The following KCTD3 variants were observed in gnomAD, a reference collection of about 807,000 sequenced individuals.
KCTD3 encodes potassium channel tetramerization domain containing 3, also known as BTB/POZ domain-containing protein KCTD3.
A neutral mutation model predicts 85.8 loss-of-function variants in KCTD3; 41 were observed. The observed-to-expected ratio is 0.48, with a 90% CI of 0.37 to 0.62. KCTD3 has a LOEUF of 0.62. Ranked by LOEUF, KCTD3 falls within the 20% of genes least tolerant of loss-of-function variation. KCTD3 has a pLI of 0.00. For synonymous variants in KCTD3, 338 were observed against 345.4 expected, an observed-to-expected ratio of 0.98 and a Z score of 0.24; for missense variants, 724 against 989.9, an observed-to-expected ratio of 0.73 and a Z score of 3.60.
chr1:215,596,371 G>T (rs1660417189), intron 10 of KCTD3, among the ~76,000 whole-genome samples: 1 of 152,068 alleles, frequency 6.6e-6, no homozygotes, highest in Non-Finnish European at 1.5e-5. Context: ...TGGAATTTGG[G>T]AAAGAAGAAA....
chr1:215,608,642 T>C (rs1396346760), intron 14 of KCTD3, among the ~76,000 whole-genome samples: 1 of 151,812 alleles, frequency 6.6e-6, no homozygotes, highest in Non-Finnish European at 1.5e-5. Flanking sequence ...CAGCAAAAGG[T>C]GTATAAGTTT....
chr1:215,574,913 T>C (rs1319531602), intron 3 of KCTD3, among the ~76,000 whole-genome samples: 1 of 152,234 alleles, frequency 6.6e-6, no homozygotes, highest in Non-Finnish European at 1.5e-5. Flanking sequence ...CCAGATCTTT[T>C]GTAAATGATT....
chr1:215,602,956 A>C (rs1654890748), intron 12 of KCTD3, among the ~76,000 whole-genome samples: 1 of 152,196 alleles, frequency 6.6e-6, no homozygotes, highest in South Asian at 2.1e-4. Context: ...TTGCTCTAGA[A>C]ATAGGGTTTA....
chr1:215,578,160 C>G, intron 6 of KCTD3, 79 bp downstream of exon 6: 1 of 1,128,078 alleles, frequency 8.9e-7, no homozygotes, highest in South Asian at 1.6e-5. Context: ...GGAAAAACTG[C>G]TCCTTGATTA....
intron 6 of KCTD3, 91 bp from the exon 7 acceptor site, chr1:215,578,909 T>A: frequency 1.3e-6 from 1 of 798,070 alleles, no homozygotes. Context: ...TTTAATGAAA[T>A]TCACATTTTT....
chr1:215,598,310 G>C (rs533384198), intron 10 of KCTD3, among the ~76,000 whole-genome samples: 7 of 152,242 alleles, frequency 4.6e-5, no homozygotes, highest in Non-Finnish European at 7.4e-5. Flanking sequence ...AAAAGGAGAT[G>C]CAAGAGGAAA....
intron 17 of KCTD3, 32 bp downstream of exon 17, chr1:215,619,323 A>AT: frequency 6.4e-7 from 1 of 1,567,266 alleles, no homozygotes; most frequent in South Asian, 1.1e-5. Context: ...TATAAACAAA[A>AT]TTTATTTCTT....
At position 215,611,882 on chromosome 1, in the gene KCTD3, C is replaced by A; in HGVS notation, c.1523C>A (p.Thr508Asn). The A allele has an allele frequency of 6.2e-7, 1 of 1,609,008 alleles. No homozygotes were observed. The highest frequency in any genetic ancestry group is 8.5e-7 in the Non-Finnish European group (1 of 1,176,384). ...QVFIQKVVPITNKLFVRLSST... is the reference protein window; with the variant it reads ...QVFIQKVVPINNKLFVRLSST... Reference sequence around the variant, plus strand: ...TTTATCCAGAAAGTTGTTCCCATCACCAACAAACTATTTGTAAGACTCTCA... The same window carrying A: ...TTTATCCAGAAAGTTGTTCCCATCAACAACAAACTATTTGTAAGACTCTCA... Residue 508 changes from threonine to asparagine, a missense_variant, in exon 15 of 18, where the codon ACC becomes AAC. Physicochemically the swap from Thr to Asn is moderately conservative, Grantham distance 65. This residue lies in a region of KCTD3 where 136 missense variants were observed against 197.6 expected (regional missense o/e 0.69). Coordinates refer to ENST00000259154, the MANE Select transcript of KCTD3 (RefSeq NM_016121.5).
In KCTD3 at chr1:215,620,467, G is replaced by A. The variant is rs1424009131; in HGVS notation, c.2297G>A (p.Gly766Glu). The change falls in exon 18 of 18, where the codon GGA becomes GAA. Residue 766 changes from glycine (G) to glutamate (E), a missense_variant. Around this residue, in one of 6 missense-constraint regions of KCTD3, gnomAD observed 222 missense variants for 217.7 expected, o/e 1.02. Coordinates refer to ENST00000259154, the MANE Select transcript of KCTD3 (RefSeq NM_016121.5). ...KGGFEGGGFL[G>E]RKKVPYLASS... is the part of the protein sequence containing the mutation. ...GGATTTGAAGGGGGAGGATTCCTTG[G>A]AAGAAAGAAAGTTCCCTATCTGGCG... The A allele has an allele frequency of 5.0e-6, 8 of 1,613,780 alleles. No individual in the cohort carries two copies. The highest frequency in any genetic ancestry group is 6.8e-6 in the Non-Finnish European group (8 of 1,179,758).
In KCTD3 at chr1:215,568,075, G is replaced by A. The variant is rs147122424; in HGVS notation, c.83+307G>A. Reference sequence around the variant, plus strand: ...AACAGGCAAGGAGAACCATTACACAGCCTTCCTTACCTCATCTCAGATTAG... The same window carrying A: ...AACAGGCAAGGAGAACCATTACACAACCTTCCTTACCTCATCTCAGATTAG... On this transcript the variant is annotated intron_variant, in intron 1 of 17. Coordinates refer to ENST00000259154, the MANE Select transcript of KCTD3 (RefSeq NM_016121.5). Among the ~76,000 whole-genome samples the A allele has an allele frequency of 2.8e-4, 42 of 152,280 alleles. No individual in the cohort carries two copies. The East Asian group carries it at 7.4e-3, about 27-fold the overall frequency.
chr1:215,586,545 A>G lies in KCTD3; in HGVS notation c.677A>G (p.Asp226Gly). ...WQQVFTSPYL[D>G]WTIERVALNA... ...CAAGTGTTTACGAGCCCATATTTGGATTGGACTATCGAACGAGTAGCTTTA... is the reference window on the plus strand; with the variant it reads ...CAAGTGTTTACGAGCCCATATTTGGGTTGGACTATCGAACGAGTAGCTTTA... The change falls in exon 9 of 18, where the codon GAT becomes GGT. Residue 226 changes from aspartate (D) to glycine (G), a missense_variant. Around this residue, in one of 6 missense-constraint regions of KCTD3, gnomAD observed 146 missense variants for 320.3 expected, o/e 0.46. Coordinates refer to ENST00000259154, the MANE Select transcript of KCTD3 (RefSeq NM_016121.5). The G allele has an allele frequency of 2.5e-6, 4 of 1,614,102 alleles. No homozygotes were observed. Among genetic ancestry groups the G allele is most frequent in the Non-Finnish European group, 3.4e-6 (4 of 1,180,012 alleles).
At chr1:215,574,179 CAT>C (rs1659482689) in intron 3 of KCTD3, 61 bp downstream of exon 3, 1 of 938,516 alleles carries the variant, frequency 1.1e-6, no homozygotes, top group African/African-American at 1.6e-5. Flanking sequence ...TTGGTCCTAA[CAT>C]ATAGTTACTC....
intron 6 of KCTD3, 90 bp from the exon 7 acceptor site, chr1:215,578,910 T>A: frequency 1.2e-6 from 1 of 810,280 alleles, no homozygotes; most frequent in East Asian, 3.1e-5. Flanking sequence ...TTAATGAAAT[T>A]CACATTTTTG....
chr1:215,576,729 G>A (rs1010102164), intron 4 of KCTD3, among the ~76,000 whole-genome samples: 25 of 151,638 alleles, frequency 1.6e-4, no homozygotes, highest in Admixed American at 5.3e-4. Context: ...CACCACACCC[G>A]GCTAATTTTT....
At chr1:215,577,134 CT>C (rs958720705) in intron 4 of KCTD3, among the ~76,000 whole-genome samples, 101 of 142,698 alleles carry the variant, frequency 7.1e-4, no homozygotes, top group African/African-American at 1.3e-3. Context: ...CAAGGCTAGT[CT>C]TTTTTTTTTT....
chr1:215,619,939 AT>A (rs1655599791), intron 17 of KCTD3, 117 bp from the exon 18 acceptor site: 1 of 627,164 alleles, frequency 1.6e-6, no homozygotes, highest in Non-Finnish European at 2.5e-6. Flanking sequence ...AAAGAGAAAT[AT>A]GGATATAATA....
intron 9 of KCTD3, among the ~76,000 whole-genome samples, chr1:215,592,496 T>A (rs563172151): frequency 6.6e-6 from 1 of 152,290 alleles, no homozygotes; most frequent in African/African-American, 2.4e-5. Flanking sequence ...AATTTTGAAA[T>A]TATAATACAC....
intron 14 of KCTD3, among the ~76,000 whole-genome samples, chr1:215,610,659 A>T (rs1482997415): frequency 6.6e-6 from 1 of 151,982 alleles, no homozygotes; most frequent in Non-Finnish European, 1.5e-5. Flanking sequence ...AGGTTCCAGT[A>T]ATTGAGCAAC....
chr1:215,591,284 T>G (rs1380396466), intron 9 of KCTD3, among the ~76,000 whole-genome samples: 2 of 137,990 alleles, frequency 1.4e-5, no homozygotes, highest in Non-Finnish European at 3.1e-5. Context: ...CTCTCCTTCC[T>G]TCTTTCCTTC....
Sources: allele counts gnomAD v4.1 joint callset (sites outside exome capture counted in the v4.1 genomes callset), GRCh38; gene constraint gnomAD v4.1.1; regional missense constraint gnomAD v4.1.1; transcripts MANE v1.5; gene names NCBI Gene and HGNC (gene_info 2026-07-23, HGNC 2026-07-21).